The following STK24 variants were observed in gnomAD, a reference collection of about 807,000 sequenced individuals.
STK24 encodes serine/threonine kinase 24.
STK24 carries 21 observed loss-of-function variants against 55.6 expected under a neutral mutation model. The observed-to-expected ratio is 0.38, with a 90% CI of 0.27 to 0.54. The LOEUF (loss-of-function observed/expected upper bound fraction) is 0.54. STK24 is among the 20% of genes least tolerant of loss of function. STK24 has a pLI of 0.79. For synonymous variants in STK24, 200 were observed against 215.2 expected, an observed-to-expected ratio of 0.93 and a Z score of 0.62; for missense variants, 383 against 538.4, an observed-to-expected ratio of 0.71 and a Z score of 2.86.
At chr13:98,527,215 C>T (rs1896456056) in intron 1 of STK24, among the ~76,000 whole-genome samples, 1 of 152,146 alleles carries the variant, frequency 6.6e-6, no homozygotes, top group African/African-American at 2.4e-5. Flanking sequence ...GTGGCTCACA[C>T]CTGTAATCCC....
chr13:98,543,078 G>A (rs960164801), intron 1 of STK24: 2 of 959,916 alleles, frequency 2.1e-6, no homozygotes, highest in South Asian at 4.8e-5. Context: ...AGGGAGGGGG[G>A]AGAGGCCGCA....
At position 98,466,422 on chromosome 13, in the gene STK24, G is replaced by A. The variant is rs1180844062; in HGVS notation, c.737C>T (p.Pro246Leu). 8.7e-6 allele frequency: 14 copies of A among 1,613,148 alleles called. No homozygotes were observed. Among genetic ancestry groups the A allele is most frequent in the Middle Eastern group, 3.7e-4 (2 of 5,404 alleles). Residue 246 changes from proline to leucine, a missense_variant, in exon 6 of 11, where the codon CCC becomes CTC. Physicochemically the swap from Pro to Leu is moderately conservative, Grantham distance 98. Transcript: ENST00000539966. ...ACAGGCCTCCACAAACTCCTTGAGGGGTTTACTGTAGTTTCCTTCCAACGT... is the reference window on the plus strand; with the variant it reads ...ACAGGCCTCCACAAACTCCTTGAGGAGTTTACTGTAGTTTCCTTCCAACGT... The part of the protein sequence containing the change: ...PPTLEGNYSK[P>L]LKEFVEACLN...
At chr13:98,457,372 C>T (rs370509906) in intron 9 of STK24, 68 bp from the exon 10 acceptor site, 3 of 1,598,608 alleles carry the variant, frequency 1.9e-6, no homozygotes, top group South Asian at 1.1e-5. Flanking sequence ...GCATGCTGTT[C>T]AAGGAACAAC....
intron 1 of STK24, among the ~76,000 whole-genome samples, chr13:98,521,190 G>C (rs936729502): frequency 2.2e-4 from 33 of 152,202 alleles, no homozygotes; most frequent in African/African-American, 7.7e-4. Flanking sequence ...CATCCACTGT[G>C]TTAAAAATCA....
chr13:98,457,076 A>G (rs2139242757), intron 10 of STK24, 92 bp downstream of exon 10: 1 of 1,455,864 alleles, frequency 6.9e-7, no homozygotes, highest in Non-Finnish European at 9.2e-7. Flanking sequence ...AGGAACAGAC[A>G]GGCCAAGAAT....
intron 1 of STK24, among the ~76,000 whole-genome samples, chr13:98,546,129 C>T (rs967352722): frequency 6.6e-6 from 1 of 152,144 alleles, no homozygotes; most frequent in African/African-American, 2.4e-5. Flanking sequence ...CACAGATGAC[C>T]GCTGCGGCAA....
At chr13:98,539,518 G>C (rs1896828089) in intron 1 of STK24, among the ~76,000 whole-genome samples, 1 of 152,006 alleles carries the variant, frequency 6.6e-6, no homozygotes, top group Admixed American at 6.5e-5. Flanking sequence ...TTGGAGTCAG[G>C]CTGGCCCAGT....
chr13:98,446,850 C>T lies in STK24; in HGVS notation c.*6323G>A, dbSNP rs760867747. The T allele has an allele frequency of 1.2e-5, 19 of 1,608,178 alleles. No individual in the cohort carries two copies. In the East Asian group the frequency reaches 2.2e-4, roughly 19 times the overall value. On this transcript the variant is annotated 3_prime_UTR_variant, in exon 11 of 11. Transcript: ENST00000539966. The stretch of plus-strand genomic sequence containing the variant: ...CCCCCTTCCCACGCACAGGGCCCTG[C>T]AGAAGAGGACCCCCTCTTCCAAACA...
rs1555306354 is a variant in STK24 at position 98,503,041 on chromosome 13, T to TTTTTTTTTTC, written c.273+16201_273+16202insGAAAAAAAAA. Among the ~76,000 whole-genome samples the TTTTTTTTTTC allele has an allele frequency of 4.1e-3, 614 of 148,742 alleles. 13 individuals carry two copies. The highest frequency in any genetic ancestry group is 0.014 in the African/African-American group (551 of 39,240). On this transcript the variant is annotated intron_variant, in intron 2 of 10. Coordinates refer to ENST00000539966, the MANE Select transcript of STK24 (RefSeq NM_001032296.4). ...TTCCATGTGTTTTTTTTTTTTTTTT[T>TTTTTTTTTTC]CAGTATGGTACAACTGACCACCAAC...
Position 98,445,868 on chromosome 13 carries a change from G to T in STK24, c.*7305C>A. On this transcript the variant is annotated 3_prime_UTR_variant, in exon 11 of 11. Coordinates refer to ENST00000539966, the MANE Select transcript of STK24 (RefSeq NM_001032296.4). ...GTCAGGACCTCAACGTGTCTTTTGG[G>T]GGGACACAGGGACCCCAAGATGCCC... 1 of 464,762 alleles carries T rather than the reference G, an allele frequency of 2.2e-6. No individual in the cohort carries two copies. The highest frequency in any genetic ancestry group is 3.9e-6 in the Non-Finnish European group (1 of 256,236). 28.8% of individuals were successfully genotyped at this position (464,762 alleles called of 1,614,324 possible).
At chr13:98,526,756 G>A (rs1896440944) in intron 1 of STK24, among the ~76,000 whole-genome samples, 1 of 152,198 alleles carries the variant, frequency 6.6e-6, no homozygotes, top group Non-Finnish European at 1.5e-5. Flanking sequence ...GTGACCGCTT[G>A]TCAGCTCCTG....
At chr13:98,533,777 C>A (rs775729961) in intron 1 of STK24, among the ~76,000 whole-genome samples, 29 of 152,140 alleles carry the variant, frequency 1.9e-4, no homozygotes, top group Admixed American at 1.1e-3. Context: ...CACACACACG[C>A]ACACGCACCA....
At chr13:98,464,176 C>T (rs778633419) in intron 6 of STK24, among the ~76,000 whole-genome samples, 23 of 152,028 alleles carry the variant, frequency 1.5e-4, no homozygotes, top group Non-Finnish European at 2.1e-4. Flanking sequence ...CCAGCACTTT[C>T]GGAGGCCGAG....
chr13:98,462,519 C>G (rs1253529429), intron 7 of STK24, among the ~76,000 whole-genome samples: 1 of 152,134 alleles, frequency 6.6e-6, no homozygotes, highest in Non-Finnish European at 1.5e-5. Flanking sequence ...CCCCATTAAG[C>G]CTGCACCTCC....
intron 1 of STK24, among the ~76,000 whole-genome samples, chr13:98,520,122 T>C (rs1027867636): frequency 2.0e-5 from 3 of 152,188 alleles, no homozygotes; most frequent in Non-Finnish European, 4.4e-5. Context: ...TATACATTTC[T>C]AAGAAGGCTA....
intron 1 of STK24, among the ~76,000 whole-genome samples, chr13:98,526,791 G>T (rs999323725): frequency 6.6e-6 from 1 of 152,194 alleles, no homozygotes; most frequent in African/African-American, 2.4e-5. Context: ...AACGTGATTG[G>T]AAAGGACCAC....
In STK24 at chr13:98,535,398, T is replaced by TACAC. The variant is rs56768700; in HGVS notation, c.43-15929_43-15926dup. Reference sequence around the variant, plus strand: ...ATATATATATATATATATGTGTGTATACACACACACACACACACACACACA... The same window carrying TACAC: ...ATATATATATATATATATGTGTGTATACACACACACACACACACACACACACACA... On this transcript the variant is annotated intron_variant, in intron 1 of 10. Coordinates refer to ENST00000539966, the MANE Select transcript of STK24 (RefSeq NM_001032296.4). 5.5e-3 allele frequency among the ~76,000 whole-genome samples: 789 copies of TACAC among 142,770 alleles called. 11 individuals carry two copies. The highest frequency in any genetic ancestry group is 0.017 in the African/African-American group (630 of 37,466). 93.7% of individuals were successfully genotyped at this position (142,770 alleles called of 152,430 possible).
chr13:98,545,678 G>T (rs189198421), intron 1 of STK24, among the ~76,000 whole-genome samples: 188 of 148,430 alleles, frequency 1.3e-3, no homozygotes, highest in African/African-American at 4.5e-3. Flanking sequence ...TCAGGAAGAA[G>T]ATTTTAAGTT....
intron 2 of STK24, among the ~76,000 whole-genome samples, chr13:98,489,200 T>C (rs1246227471): frequency 1.3e-5 from 2 of 152,204 alleles, no homozygotes; most frequent in Non-Finnish European, 2.9e-5. Flanking sequence ...GGGGCTTCGA[T>C]GATGATGAAG....
Sources: allele counts gnomAD v4.1 joint callset (sites outside exome capture counted in the v4.1 genomes callset), GRCh38; gene constraint gnomAD v4.1.1; transcripts MANE v1.5; gene names NCBI Gene and HGNC (gene_info 2026-07-23, HGNC 2026-07-21).